The following UBE3C variants were observed in gnomAD, a reference collection of about 807,000 sequenced individuals.
UBE3C encodes the protein ubiquitin-protein ligase E3C.
UBE3C carries 42 observed loss-of-function variants against 129.4 expected under a neutral mutation model. That is an observed-to-expected ratio of 0.32 (90% CI 0.25 to 0.42). The LOEUF is 0.42. UBE3C is among the 10% of genes least tolerant of loss of function. The pLI is 1.00. For synonymous variants in UBE3C, 510 were observed against 492.4 expected, an observed-to-expected ratio of 1.04 and a Z score of -0.47; for missense variants, 1,049 against 1,319.1, an observed-to-expected ratio of 0.80 and a Z score of 3.17.
chr7:157,182,059 T>G, intron 7 of UBE3C, 49 bp from the exon 8 acceptor site: 1 of 1,479,078 alleles, frequency 6.8e-7, no homozygotes, highest in Non-Finnish European at 9.1e-7. Flanking sequence ...AGTGATTGGA[T>G]GGACAGTATA....
At chr7:157,163,512 C>T (rs900477842) in intron 1 of UBE3C, among the ~76,000 whole-genome samples, 3 of 152,076 alleles carry the variant, frequency 2.0e-5, no homozygotes, top group Non-Finnish European at 2.9e-5. Context: ...GACATTGGTA[C>T]GGAGCACCAG....
At chr7:157,157,774 A>C (rs1807952450) in intron 1 of UBE3C, among the ~76,000 whole-genome samples, 1 of 152,142 alleles carries the variant, frequency 6.6e-6, no homozygotes, top group African/African-American at 2.4e-5. Flanking sequence ...CAACAGTTTG[A>C]GACCAGCCTG....
chr7:157,169,182 G>A, intron 3 of UBE3C, 60 bp downstream of exon 3: 3 of 1,341,034 alleles, frequency 2.2e-6, no homozygotes, highest in East Asian at 4.6e-5. Context: ...TTTAAATATG[G>A]TATCTTTGTA....
At chr7:157,163,676 C>A in intron 1 of UBE3C, 134 bp from the exon 2 acceptor site, 2 of 853,110 alleles carry the variant, frequency 2.3e-6, no homozygotes, top group Non-Finnish European at 3.6e-6. Context: ...ATTCTCTCAT[C>A]TGATTAAGTC....
chr7:157,182,483 C>T (rs1011833798), intron 8 of UBE3C, among the ~76,000 whole-genome samples, 155 bp downstream of exon 8: 1 of 152,078 alleles, frequency 6.6e-6, no homozygotes, highest in Non-Finnish European at 1.5e-5. Context: ...GCAGTGTGTT[C>T]CTGGGGACAG....
intron 13 of UBE3C, 82 bp from the exon 14 acceptor site, chr7:157,216,785 C>G (rs995373319): frequency 5.4e-6 from 6 of 1,114,676 alleles, no homozygotes; most frequent in Admixed American, 2.0e-5. Flanking sequence ...GCTGTGTGCT[C>G]CTCCTCGAGT....
intron 14 of UBE3C, among the ~76,000 whole-genome samples, chr7:157,219,303 A>G (rs1367781172): frequency 7.2e-5 from 11 of 152,156 alleles, no homozygotes; most frequent in Admixed American, 7.2e-4. Flanking sequence ...ATTGATTTAT[A>G]TTTTGGCACA....
chr7:157,145,767 T>A lies in UBE3C; in HGVS notation c.66+6429T>A, dbSNP rs57600759. 9.7e-3 allele frequency among the ~76,000 whole-genome samples: 1,480 copies of A among 152,316 alleles called. 31 individuals are homozygous for A. Among genetic ancestry groups the A allele is most frequent in the African/African-American group, 0.034 (1,409 of 41,582 alleles). ...ATTTTTTATCAATTAATAAGCTTTT[T>A]TTTTAGAGTGGTTTACGGTTTACAG... is the stretch of plus-strand genomic sequence containing the variant. On this transcript the variant is annotated intron_variant, in intron 1 of 22. Transcript: ENST00000348165.
chr7:157,151,632 GTCTTCC>G (rs1326712422), intron 1 of UBE3C, among the ~76,000 whole-genome samples: 1 of 152,112 alleles, frequency 6.6e-6, no homozygotes, highest in Admixed American at 6.5e-5. Context: ...CCGTTTAAGT[GTCTTCC>G]TCAAAAAAGC....
chr7:157,198,246 C>G, intron 10 of UBE3C: 1 of 1,284,028 alleles, frequency 7.8e-7, no homozygotes, highest in African/African-American at 1.5e-5. Context: ...GTATCCTCCA[C>G]CTGTAAATGA....
rs560561058 is a variant in UBE3C at position 157,201,563 on chromosome 7, T to C, written c.1332-158T>C. Among the ~76,000 whole-genome samples the C allele has an allele frequency of 3.3e-5, 5 of 150,386 alleles. No individual in the cohort carries two copies. In the South Asian group the frequency reaches 8.6e-4, roughly 26 times the overall value. ...GTGTCTCGGTGTCTCATCAAATGGC[T>C]GGTTGTCTGAGGCAGCTTTTTGTGG... On this transcript the variant is annotated intron_variant, in intron 10 of 22. Transcript: ENST00000348165.
intron 11 of UBE3C, among the ~76,000 whole-genome samples, chr7:157,205,214 T>C (rs183381683): frequency 6.8e-4 from 103 of 152,354 alleles, no homozygotes; most frequent in Middle Eastern, 6.8e-3. Flanking sequence ...CAGGGCAGCA[T>C]TGGCACATAT....
At chr7:157,236,482 C>T (rs1182432) in intron 18 of UBE3C, among the ~76,000 whole-genome samples, 78,583 of 151,970 alleles carry the variant, frequency 0.52, 23,266 homozygotes, top group Non-Finnish European at 0.66. Flanking sequence ...TTTTTTATCG[C>T]GGTAGAATTC....
Position 157,184,287 on chromosome 7 carries a change from A to G in UBE3C, c.1143+258A>G, listed in dbSNP as rs3815217. On this transcript the variant is annotated intron_variant, in intron 9 of 22. Coordinates refer to ENST00000348165, the MANE Select transcript of UBE3C (RefSeq NM_014671.3). ...TTTTTAGGCAAAATAGGATCATACTATATGTTAACTTAGTTATTAGGAAAT... is the reference window on the plus strand; with the variant it reads ...TTTTTAGGCAAAATAGGATCATACTGTATGTTAACTTAGTTATTAGGAAAT... Among the ~76,000 whole-genome samples the G allele has an allele frequency of 0.6, 91,848 of 152,056 alleles. 30,000 individuals are homozygous for G. Among genetic ancestry groups the G allele is most frequent in the African/African-American group, 0.88 (36,462 of 41,508 alleles).
At chr7:157,198,182 C>T (rs1809176786) in intron 10 of UBE3C, 1 of 1,605,764 alleles carries the variant, frequency 6.2e-7, no homozygotes, top group Non-Finnish European at 8.5e-7. Context: ...CATCTTGTAG[C>T]TGATTTTCTC....
At chr7:157,256,493 G>A (rs1233494154) in intron 21 of UBE3C, among the ~76,000 whole-genome samples, 3 of 137,934 alleles carry the variant, frequency 2.2e-5, no homozygotes, top group South Asian at 5.5e-4. Flanking sequence ...TTTGCCCATC[G>A]CCTCCACATA....
chr7:157,236,361 G>A (rs1796152231), intron 18 of UBE3C, among the ~76,000 whole-genome samples: 1 of 151,992 alleles, frequency 6.6e-6, no homozygotes, highest in African/African-American at 2.4e-5. Flanking sequence ...TCTTGCTTTA[G>A]GATATTGATT....
chr7:157,182,199 G>T lies in UBE3C; in HGVS notation c.862G>T (p.Ala288Ser), dbSNP rs1308194962. 1.9e-6 allele frequency: 3 copies of T among 1,614,136 alleles called. No homozygotes were observed. The highest frequency in any genetic ancestry group is 2.5e-6 in the Non-Finnish European group (3 of 1,180,008). ...TTTCATCATTCCGGCGCTTGCAGAT[G>T]CGCAGACCGTTTTCCCTTACGAGCC... ...FHFIIPALADAQTVFPYEPFL... is the reference protein window; with the variant it reads ...FHFIIPALADSQTVFPYEPFL... Residue 288 changes from alanine (A) to serine (S), a missense_variant, in exon 8 of 23, where the codon GCG becomes TCG. By Grantham distance (99) the Ala-to-Ser change is moderately conservative. Around this residue, in one of 4 missense-constraint regions of UBE3C, gnomAD observed 489 missense variants for 513.8 expected, o/e 0.95. Transcript: ENST00000348165.
At chr7:157,223,086 A>G (rs774807227) in intron 15 of UBE3C, 168 bp from the exon 16 acceptor site, 6 of 641,244 alleles carry the variant, frequency 9.4e-6, no homozygotes, top group Non-Finnish European at 1.7e-5. Flanking sequence ...CTGATCCTGC[A>G]CTGTGCATGG....
Sources: allele counts gnomAD v4.1 joint callset (sites outside exome capture counted in the v4.1 genomes callset), GRCh38; gene constraint gnomAD v4.1.1; regional missense constraint gnomAD v4.1.1; transcripts MANE v1.5; gene names NCBI Gene and HGNC (gene_info 2026-07-23, HGNC 2026-07-21).